Variants in AKAP13 observed in about 807,000 individuals in gnomAD.
AKAP13 encodes A-kinase anchor protein 13.
AKAP13 carries 80 observed loss-of-function variants against 264.5 expected under a neutral mutation model. The observed-to-expected ratio is 0.30, with a 90% CI of 0.25 to 0.36. The LOEUF (loss-of-function observed/expected upper bound fraction) is 0.36. Among genes scored for constraint, AKAP13 ranks in the 10% least tolerant of loss-of-function variants. The probability of loss-of-function intolerance (pLI) is 1.00; values close to 1 mark genes in which losing one functional copy is unlikely to be tolerated. For synonymous variants in AKAP13, 1,380 were observed against 1,250.2 expected (o/e 1.10, Z -2.19); for missense variants, 3,712 against 3,435.2 (o/e 1.08, Z -2.01).
rs1375732851 is a variant in AKAP13, at chr15:85,580,815, TG to T, written c.2749del (p.Val917PhefsTer16). 1 of 1,613,992 alleles carries T rather than the reference TG, an allele frequency of 6.2e-7. No individual in the cohort carries two copies. The highest frequency in any genetic ancestry group is 8.5e-7 in the Non-Finnish European group (1 of 1,180,046). ...SVLTEEGKLL[V>X]VSESSAAQEQ... is the part of the protein sequence containing the mutation. The stretch of plus-strand genomic sequence containing the variant: ...TTGACTGAAGAAGGAAAACTTCTGG[TG>T]GTTTCAGAAAGCTCTGCAGCTCAGG... On this transcript the variant is annotated frameshift_variant, in exon 7 of 37. Coordinates refer to ENST00000394518, the MANE Select transcript of AKAP13 (RefSeq NM_007200.5). LOFTEE classifies it high-confidence loss of function.
chr15:85,549,354 G>C (rs536264250), intron 5 of AKAP13, among the ~76,000 whole-genome samples: 4 of 152,278 alleles, frequency 2.6e-5, no homozygotes, highest in Non-Finnish European at 5.9e-5. Context: ...TTTCAACTCT[G>C]GAGTGGTGGC....
At chr15:85,722,965 A>G (rs2087387948) in intron 25 of AKAP13, 107 bp from the exon 26 acceptor site, 21 of 1,433,306 alleles carry the variant, frequency 1.5e-5, no homozygotes, top group South Asian at 2.8e-5. Flanking sequence ...CTCTGATAGC[A>G]TAGTCACAAA....
chr15:85,603,483 A>G (rs1272779543), intron 8 of AKAP13, among the ~76,000 whole-genome samples: 1 of 152,258 alleles, frequency 6.6e-6, no homozygotes, highest in Non-Finnish European at 1.5e-5. Context: ...GGTTTTGCAG[A>G]CCGCACTTTG....
intron 19 of AKAP13, among the ~76,000 whole-genome samples, chr15:85,715,303 G>A (rs913015443): frequency 9.2e-5 from 14 of 152,238 alleles, no homozygotes; most frequent in Admixed American, 2.0e-4. Flanking sequence ...GTGTGGTGTA[G>A]TATAACTTAT....
intron 12 of AKAP13, among the ~76,000 whole-genome samples, chr15:85,661,727 G>T (rs1231310449): frequency 6.6e-6 from 1 of 151,948 alleles, no homozygotes; most frequent in Non-Finnish European, 1.5e-5. Context: ...GTCTTGGGGG[G>T]TAGTTTTCAT....
intron 13 of AKAP13, 99 bp from the exon 14 acceptor site, chr15:85,669,623 C>A (rs750608639): frequency 2.3e-6 from 2 of 865,760 alleles, no homozygotes; most frequent in Non-Finnish European, 3.6e-6. Flanking sequence ...TTCTTCACTG[C>A]CTTATTTTAC....
At chr15:85,393,538 G>A (rs1373211008) in intron 1 of AKAP13, among the ~76,000 whole-genome samples, 1 of 152,150 alleles carries the variant, frequency 6.6e-6, no homozygotes, top group Non-Finnish European at 1.5e-5. Flanking sequence ...GTTTTTTGAG[G>A]TCATTTTCTA....
intron 19 of AKAP13, among the ~76,000 whole-genome samples, chr15:85,714,066 C>G (rs2086779257): frequency 6.6e-6 from 1 of 152,178 alleles, no homozygotes; most frequent in African/African-American, 2.4e-5. Context: ...CCAGAACTTA[C>G]CTACTAATAG....
Position 85,443,760 on chromosome 15 carries a change from TA to T in AKAP13, c.-11-41938del, listed in dbSNP as rs532209551. On this transcript the variant is annotated intron_variant, in intron 1 of 36. Coordinates refer to ENST00000394518, the MANE Select transcript of AKAP13 (RefSeq NM_007200.5). ...GTGGGTAAAAAGCACTGGTTTCATG[TA>T]AAAAAAAAAAAGTGTGTGTGTGTGT... is the stretch of plus-strand genomic sequence containing the variant. Among the ~76,000 whole-genome samples the T allele has an allele frequency of 5.5e-3, 712 of 128,854 alleles. 7 individuals are homozygous for T. The highest frequency in any genetic ancestry group is 0.018 in the African/African-American group (657 of 36,804). 84.5% of individuals were successfully genotyped at this position (128,854 alleles called of 152,430 possible).
At chr15:85,710,549 T>A in intron 18 of AKAP13, 30 bp from the exon 19 acceptor site, 1 of 1,609,304 alleles carries the variant, frequency 6.2e-7, no homozygotes, top group South Asian at 1.1e-5. Flanking sequence ...AGAGGTGAAT[T>A]GTCAATGGAC....
At chr15:85,455,569 G>T (rs1465683474) in intron 1 of AKAP13, among the ~76,000 whole-genome samples, 4 of 151,974 alleles carry the variant, frequency 2.6e-5, no homozygotes, top group African/African-American at 9.7e-5. Flanking sequence ...TAACATAGGG[G>T]ATTTGGGCAT....
At chr15:85,419,142 T>G (rs996877857) in intron 1 of AKAP13, among the ~76,000 whole-genome samples, 1 of 152,214 alleles carries the variant, frequency 6.6e-6, no homozygotes, top group Non-Finnish European at 1.5e-5. Context: ...GTGGACACTG[T>G]TTGCTTTAAG....
chr15:85,653,781 A>G (rs569682608), intron 10 of AKAP13, among the ~76,000 whole-genome samples: 2 of 152,296 alleles, frequency 1.3e-5, no homozygotes, highest in African/African-American at 4.8e-5. Context: ...CCCTGCCCCC[A>G]TCCCGTAAGA....
intron 4 of AKAP13, among the ~76,000 whole-genome samples, chr15:85,541,263 ATATCT>A (rs1408989459): frequency 6.6e-6 from 1 of 152,248 alleles, no homozygotes; most frequent in African/African-American, 2.4e-5. Context: ...AAGTGGACTG[ATATCT>A]TCAAGTTATT....
rs565767905 is a variant in AKAP13, at chr15:85,671,412, T to G, written c.5101+1582T>G. On this transcript the variant is annotated intron_variant, in intron 14 of 36. Transcript: ENST00000394518. ...TGGCACCACTGCATCCCAGCCTGGGTGATAGAGTGAGACACTGCCTCAAAA... is the reference window on the plus strand; with the variant it reads ...TGGCACCACTGCATCCCAGCCTGGGGGATAGAGTGAGACACTGCCTCAAAA... 5.1e-5 allele frequency among the ~76,000 whole-genome samples: 6 copies of G among 117,158 alleles called. No homozygotes were observed. In the South Asian group the frequency reaches 1.3e-3, roughly 26 times the overall value. 76.9% of individuals were successfully genotyped at this position (117,158 alleles called of 152,430 possible).
intron 1 of AKAP13, among the ~76,000 whole-genome samples, chr15:85,463,824 C>T (rs2074619543): frequency 6.6e-6 from 1 of 151,260 alleles, no homozygotes; most frequent in Non-Finnish European, 1.5e-5. Flanking sequence ...TTTTTTCCCC[C>T]TGGGTGATGT....
intron 10 of AKAP13, among the ~76,000 whole-genome samples, chr15:85,650,413 A>C (rs1227918468): frequency 6.6e-6 from 1 of 152,228 alleles, no homozygotes; most frequent in African/African-American, 2.4e-5. Context: ...CCTGGGCAAC[A>C]GAGGGAGATG....
At chr15:85,439,714 G>T (rs867851260) in intron 1 of AKAP13, among the ~76,000 whole-genome samples, 1 of 143,308 alleles carries the variant, frequency 7.0e-6, no homozygotes. Flanking sequence ...GTAAACTATC[G>T]CAAGAACAAA....
intron 8 of AKAP13, among the ~76,000 whole-genome samples, chr15:85,634,714 G>A (rs1173589792): frequency 6.6e-6 from 1 of 152,028 alleles, no homozygotes; most frequent in Non-Finnish European, 1.5e-5. Flanking sequence ...GTTCTGTTCT[G>A]TCTCCCTGTA....
Sources: allele counts gnomAD v4.1 joint callset (sites outside exome capture counted in the v4.1 genomes callset), GRCh38; gene constraint gnomAD v4.1.1; transcripts MANE v1.5; gene names NCBI Gene and HGNC (gene_info 2026-07-23, HGNC 2026-07-21).